The following GALNTL6 variants were observed in gnomAD, a reference collection of about 807,000 sequenced individuals.
GALNTL6 encodes polypeptide N-acetylgalactosaminyltransferase like 6.
In GALNTL6, 46 loss-of-function variants were observed where a neutral mutation model predicts 73.7. The ratio of observed to expected loss-of-function variants is 0.62; its 90% CI spans 0.49 to 0.80. GALNTL6 has a LOEUF of 0.80. Ranked by LOEUF, GALNTL6 falls within the 30% of genes least tolerant of loss-of-function variation. The probability of loss-of-function intolerance (pLI) is 0.00; values close to 1 mark genes in which losing one functional copy is unlikely to be tolerated. For synonymous variants in GALNTL6, 259 were observed against 263.7 expected (o/e 0.98, Z 0.17); for missense variants, 604 against 755.0 (o/e 0.80, Z 2.34).
chr4:172,057,807 G>C (rs1731075871), intron 2 of GALNTL6, among the ~76,000 whole-genome samples: 1 of 147,064 alleles, frequency 6.8e-6, no homozygotes, highest in Admixed American at 6.8e-5. Flanking sequence ...GATGCTATGG[G>C]CATGTGAATT....
chr4:172,219,193 G>A (rs1340797155), intron 2 of GALNTL6, among the ~76,000 whole-genome samples: 5 of 28,620 alleles, frequency 1.7e-4, no homozygotes, highest in Admixed American at 1.4e-3. Flanking sequence ...GTCAGATTAA[G>A]CAAGTGTATA....
chr4:172,406,076 C>A (rs2111334194), intron 5 of GALNTL6, among the ~76,000 whole-genome samples: 1 of 152,094 alleles, frequency 6.6e-6, no homozygotes, highest in African/African-American at 2.4e-5. Flanking sequence ...AAGGAAAAAT[C>A]ATAAATAAGC....
chr4:172,620,973 G>A (rs1738930408), intron 5 of GALNTL6, among the ~76,000 whole-genome samples: 1 of 152,144 alleles, frequency 6.6e-6, no homozygotes, highest in South Asian at 2.1e-4. Flanking sequence ...GCATCTTTGG[G>A]TGGAAAACTC....
intron 2 of GALNTL6, among the ~76,000 whole-genome samples, chr4:172,224,531 T>C (rs1015651147): frequency 1.3e-5 from 2 of 152,260 alleles, no homozygotes; most frequent in Admixed American, 6.5e-5. Flanking sequence ...TATTGTCATC[T>C]GCATTTGTAG....
intron 2 of GALNTL6, among the ~76,000 whole-genome samples, chr4:172,206,911 G>T (rs560193794): frequency 4.8e-5 from 7 of 145,442 alleles, no homozygotes; most frequent in African/African-American, 1.8e-4. Context: ...TCCGCCTCTC[G>T]GGTTCAGGCT....
chr4:172,311,025 TATG>T (rs940844071), intron 3 of GALNTL6, among the ~76,000 whole-genome samples: 4 of 152,016 alleles, frequency 2.6e-5, no homozygotes, highest in Non-Finnish European at 4.4e-5. Flanking sequence ...CAAATTAAAA[TATG>T]AGGAATATAT....
At chr4:172,796,524 T>C (rs556731603) in intron 5 of GALNTL6, among the ~76,000 whole-genome samples, 15 of 152,210 alleles carry the variant, frequency 9.9e-5, no homozygotes, top group Non-Finnish European at 1.9e-4. Flanking sequence ...CTTTGTCATA[T>C]TTTGCTGCTT....
chr4:172,772,896 A>C (rs1738858482), intron 5 of GALNTL6, among the ~76,000 whole-genome samples: 1 of 152,192 alleles, frequency 6.6e-6, no homozygotes, highest in Non-Finnish European at 1.5e-5. Flanking sequence ...AGGGAAGAAG[A>C]GGGAGACTTG....
intron 5 of GALNTL6, among the ~76,000 whole-genome samples, chr4:172,488,758 C>T (rs1733785835): frequency 6.6e-6 from 1 of 150,764 alleles, no homozygotes; most frequent in South Asian, 2.1e-4. Context: ...AAAGAATTTA[C>T]AGACAGATTT....
At position 172,348,516 on chromosome 4, in the gene GALNTL6, TCTC is replaced by T; in HGVS notation, c.387-5_387-3del. On this transcript the variant is annotated splice_polypyrimidine_tract_variant and splice_region_variant and intron_variant, in intron 4 of 12. Transcript: ENST00000506823. ...TGACACACCATTTTCTTTTCCCTCA[TCTC>T]CAGCTGTAAGCATAAGATGTATCTG... is the stretch of plus-strand genomic sequence containing the variant. The T allele has an allele frequency of 6.2e-7, 1 of 1,606,836 alleles. No homozygotes were observed.
intron 8 of GALNTL6, among the ~76,000 whole-genome samples, chr4:172,894,696 G>A (rs1484470188): frequency 6.6e-6 from 1 of 152,072 alleles, no homozygotes. Context: ...AGGTCCATTT[G>A]TTCTAGTGTA....
chr4:172,445,066 G>GCAAGC (rs1242060099), intron 5 of GALNTL6, among the ~76,000 whole-genome samples: 1 of 151,996 alleles, frequency 6.6e-6, no homozygotes, highest in Non-Finnish European at 1.5e-5. Flanking sequence ...TTAGCAAGAG[G>GCAAGC]CAAGCCAAAA....
At chr4:172,000,328 T>C (rs961122196) in intron 2 of GALNTL6, among the ~76,000 whole-genome samples, 1 of 152,196 alleles carries the variant, frequency 6.6e-6, no homozygotes, top group African/African-American at 2.4e-5. Context: ...AGAATGTTCA[T>C]TGAATATGGA....
At chr4:172,779,394 C>T (rs1165790124) in intron 5 of GALNTL6, among the ~76,000 whole-genome samples, 5 of 152,106 alleles carry the variant, frequency 3.3e-5, no homozygotes, top group Non-Finnish European at 7.3e-5. Flanking sequence ...ACTGCCCAGC[C>T]CAGTCAGCGT....
chr4:172,070,409 C>G (rs1731510879), intron 2 of GALNTL6, among the ~76,000 whole-genome samples: 1 of 110,568 alleles, frequency 9.0e-6, no homozygotes, highest in Non-Finnish European at 2.0e-5. Flanking sequence ...CATCCCTCTG[C>G]TCTTATGAAT....
intron 5 of GALNTL6, among the ~76,000 whole-genome samples, chr4:172,737,428 C>CA (rs1304641009): frequency 3.3e-5 from 5 of 152,048 alleles, no homozygotes; most frequent in African/African-American, 1.2e-4. Flanking sequence ...TTTTTCATCT[C>CA]AGCCAATATA....
chr4:172,810,970 AAAG>A (rs1234159155), intron 6 of GALNTL6, among the ~76,000 whole-genome samples: 11 of 148,064 alleles, frequency 7.4e-5, no homozygotes, highest in Non-Finnish European at 1.2e-4. Context: ...ATCTAACTAA[AAAG>A]AAGAAGATAG....
intron 2 of GALNTL6, among the ~76,000 whole-genome samples, chr4:171,864,500 AC>A (rs894599751): frequency 1.3e-5 from 2 of 152,222 alleles, no homozygotes; most frequent in African/African-American, 4.8e-5. Context: ...CTATAGTGTA[AC>A]AAAATAACAT....
At chr4:171,955,226 A>G (rs1727940152) in intron 2 of GALNTL6, among the ~76,000 whole-genome samples, 2 of 152,160 alleles carry the variant, frequency 1.3e-5, no homozygotes, top group Non-Finnish European at 2.9e-5. Context: ...AAAGCATACA[A>G]AAGAAACTTT....
Sources: gnomAD v4.1 joint callset for allele counts (sites outside exome capture counted in the v4.1 genomes callset) on GRCh38, gnomAD v4.1.1 for gene constraint, MANE v1.5 for transcripts, NCBI Gene and HGNC (gene_info 2026-07-23, HGNC 2026-07-21) for gene names.